Variants in SOX5 observed in about 807,000 individuals in gnomAD.
The protein encoded by SOX5 is transcription factor SOX-5.
In SOX5, 9 loss-of-function variants were observed where a neutral mutation model predicts 92.0. The observed-to-expected ratio is 0.10, with a 90% CI of 0.06 to 0.17. The LOEUF is 0.17. SOX5 is among the 10% of genes least tolerant of loss of function. The pLI is 1.00. For missense variants in SOX5, 642 were observed against 944.5 expected (o/e 0.68, Z 4.20); for synonymous variants, 344 against 336.3 (o/e 1.02, Z -0.25).
Position 23,976,741 on chromosome 12 carries a change from T to C in SOX5, c.-1-80717A>G, listed in dbSNP as rs572641821. 5.9e-5 allele frequency among the ~76,000 whole-genome samples: 9 copies of C among 152,132 alleles called. 1 individual carries two copies. Among genetic ancestry groups the C allele is most frequent in the Admixed American group, 2.0e-4 (3 of 15,288 alleles). ...TATGCATGGAGTGTAAGGAAGAACA[T>C]CAGTCCCGCTGATAACTCCCCTTTC... is the stretch of plus-strand genomic sequence containing the variant. On this transcript the variant is annotated intron_variant, in intron 4 of 4. Coordinates refer to the SOX5 transcript ENST00000446891.
intron 2 of SOX5, among the ~76,000 whole-genome samples, chr12:23,882,579 T>C (rs1390001475): frequency 6.6e-6 from 1 of 152,158 alleles, no homozygotes; most frequent in East Asian, 1.9e-4. Flanking sequence ...TATATGAAGC[T>C]ACAGAAGAAT....
intron 4 of SOX5, among the ~76,000 whole-genome samples, chr12:24,110,886 G>A (rs1043392707): frequency 4.0e-5 from 5 of 125,156 alleles, no homozygotes; most frequent in African/African-American, 1.5e-4. Flanking sequence ...GGGCGACAGC[G>A]CGAGACTCCA....
chr12:24,417,743 G>A (rs2136888153), intron 1 of SOX5, among the ~76,000 whole-genome samples: 1 of 152,298 alleles, frequency 6.6e-6, no homozygotes, highest in Non-Finnish European at 1.5e-5. Flanking sequence ...CTGGAGAAAA[G>A]GATAGACAAT....
intron 6 of SOX5, among the ~76,000 whole-genome samples, chr12:23,692,540 T>C (rs2089052914): frequency 6.6e-6 from 1 of 152,192 alleles, no homozygotes; most frequent in Non-Finnish European, 1.5e-5. Flanking sequence ...TCTACAACAG[T>C]TCCTGAGACA....
intron 4 of SOX5, among the ~76,000 whole-genome samples, chr12:23,995,589 T>C (rs967427168): frequency 8.5e-5 from 13 of 152,134 alleles, no homozygotes; most frequent in African/African-American, 2.9e-4. Context: ...TCCTAGCTAC[T>C]TGAAAGGCTA....
intron 3 of SOX5, among the ~76,000 whole-genome samples, chr12:24,270,294 C>T (rs557182642): frequency 7.9e-5 from 12 of 152,132 alleles, no homozygotes; most frequent in South Asian, 2.1e-4. Context: ...CTCCTGAGCT[C>T]GTGATCCACC....
At chr12:24,070,380 C>A (rs1442584755) in intron 4 of SOX5, among the ~76,000 whole-genome samples, 1 of 152,042 alleles carries the variant, frequency 6.6e-6, no homozygotes, top group African/African-American at 2.4e-5. Context: ...AAATAATGCT[C>A]CATAATGGAC....
At chr12:23,647,937 G>T (rs1162566192) in intron 7 of SOX5, among the ~76,000 whole-genome samples, 1 of 152,164 alleles carries the variant, frequency 6.6e-6, no homozygotes, top group Non-Finnish European at 1.5e-5. Context: ...TTTCCTTCCA[G>T]AACTTTTCCT....
chr12:24,082,132 G>T (rs1300962045), intron 4 of SOX5, among the ~76,000 whole-genome samples: 10 of 151,864 alleles, frequency 6.6e-5, no homozygotes, highest in Non-Finnish European at 1.2e-4. Flanking sequence ...ACTAAATGCA[G>T]AATTAAATAT....
At chr12:23,973,160 CTTTT>C (rs60609193) in intron 4 of SOX5, among the ~76,000 whole-genome samples, 2 of 111,998 alleles carry the variant, frequency 1.8e-5, no homozygotes, top group Non-Finnish European at 3.6e-5. Flanking sequence ...TAACTTTTTT[CTTTT>C]TTTTTTTTTT....
At chr12:24,322,187 A>G (rs1950265928) in intron 2 of SOX5, among the ~76,000 whole-genome samples, 1 of 152,172 alleles carries the variant, frequency 6.6e-6, no homozygotes, top group African/African-American at 2.4e-5. Context: ...TAGGAATCTC[A>G]TTCATGACAT....
chr12:24,411,504 T>C (rs1209293137), intron 1 of SOX5, among the ~76,000 whole-genome samples: 1 of 152,064 alleles, frequency 6.6e-6, no homozygotes, highest in Non-Finnish European at 1.5e-5. Flanking sequence ...TTTCTGAGAG[T>C]TTTTCTCATA....
intron 4 of SOX5, among the ~76,000 whole-genome samples, chr12:24,065,602 A>T (rs1940550902): frequency 6.8e-6 from 1 of 148,054 alleles, no homozygotes; most frequent in Non-Finnish European, 1.5e-5. Context: ...AGCTGAGATC[A>T]CATCACTACA....
At chr12:24,369,574 G>A (rs939842020) in intron 1 of SOX5, among the ~76,000 whole-genome samples, 5 of 152,314 alleles carry the variant, frequency 3.3e-5, no homozygotes, top group African/African-American at 1.2e-4. Flanking sequence ...TCTGTCTCTG[G>A]TAATTCCCCA....
chr12:24,434,770 A>G (rs1939076658), intron 1 of SOX5, among the ~76,000 whole-genome samples: 1 of 152,150 alleles, frequency 6.6e-6, no homozygotes, highest in African/African-American at 2.4e-5. Flanking sequence ...TATGATTGTA[A>G]GTTTCTTGAG....
rs117250593 is a variant in SOX5, at chr12:23,639,994, T to C, written c.1017+818A>G. Among the ~76,000 whole-genome samples, 3 of 152,338 alleles carry C rather than the reference T, an allele frequency of 2.0e-5. No homozygotes were observed. The East Asian group carries it at 5.8e-4, about 29-fold the overall frequency. On this transcript the variant is annotated intron_variant, in intron 8 of 14. Coordinates refer to ENST00000451604, the MANE Select transcript of SOX5 (RefSeq NM_006940.6). The stretch of plus-strand genomic sequence containing the variant: ...GCTAACAGTATTCATAGGCATACTG[T>C]GTCTTTCAGGTTAACTTCTCACAAG...
chr12:24,436,153 A>G (rs1939387925), intron 1 of SOX5, among the ~76,000 whole-genome samples: 1 of 152,172 alleles, frequency 6.6e-6, no homozygotes, highest in Non-Finnish European at 1.5e-5. Flanking sequence ...AATGGCTTCT[A>G]AGTGTTCAAG....
chr12:24,196,543 A>C (rs1339274560), intron 4 of SOX5, among the ~76,000 whole-genome samples: 1 of 152,200 alleles, frequency 6.6e-6, no homozygotes, highest in African/African-American at 2.4e-5. Context: ...GAAGCCACAC[A>C]CTTTATATTT....
chr12:24,234,347 G>A (rs1366979369), intron 3 of SOX5, among the ~76,000 whole-genome samples: 1 of 152,088 alleles, frequency 6.6e-6, no homozygotes, highest in Non-Finnish European at 1.5e-5. Context: ...AGAATGTAAA[G>A]CTTCCTAAAA....
Sources: gnomAD v4.1 joint callset for allele counts (sites outside exome capture counted in the v4.1 genomes callset) on GRCh38, gnomAD v4.1.1 for gene constraint, MANE v1.5 for transcripts, NCBI Gene and HGNC (gene_info 2026-07-23, HGNC 2026-07-21) for gene names.